The following ANKRD36C variants were observed in gnomAD, a reference collection of about 807,000 sequenced individuals.
The protein encoded by ANKRD36C is ankyrin repeat domain-containing protein 36C.
A neutral mutation model predicts 276.4 loss-of-function variants in ANKRD36C; 61 were observed. The ratio of observed to expected loss-of-function variants is 0.22; its 90% CI spans 0.18 to 0.27. ANKRD36C has a LOEUF of 0.27. Among genes scored for constraint, ANKRD36C ranks in the 10% least tolerant of loss-of-function variants. The pLI, the probability that ANKRD36C is intolerant of heterozygous loss-of-function variation, is 1.00. For synonymous variants in ANKRD36C, 483 were observed against 680.1 expected, an observed-to-expected ratio of 0.71 and a Z score of 4.51; for missense variants, 1,447 against 2,032.3, an observed-to-expected ratio of 0.71 and a Z score of 5.54.
chr2:95,897,294 T>C, intron 44 of ANKRD36C: 3 of 1,526,750 alleles, frequency 2.0e-6, no homozygotes, highest in East Asian at 2.4e-5. Flanking sequence ...TCTCCATGCT[T>C]TTTTCCTCTG....
intron 34 of ANKRD36C, among the ~76,000 whole-genome samples, chr2:95,918,623 C>T (rs1476969528): frequency 6.6e-6 from 1 of 151,788 alleles, no homozygotes; most frequent in Non-Finnish European, 1.5e-5. Flanking sequence ...ATCTCTCACA[C>T]CCATGTGGTG....
intron 6 of ANKRD36C, among the ~76,000 whole-genome samples, chr2:95,963,990 T>TATATATATAA: frequency 5.2e-5 from 1 of 19,332 alleles, no homozygotes; most frequent in African/African-American, 4.3e-4. Flanking sequence ...TATATATATA[T>TATATATATAA]ATATATATAT....
intron 28 of ANKRD36C, among the ~76,000 whole-genome samples, chr2:95,926,131 C>A (rs963326217): frequency 6.6e-6 from 1 of 151,536 alleles, no homozygotes; most frequent in Non-Finnish European, 1.5e-5. Context: ...TTCTCAAACC[C>A]ATGTGGTGTA....
intron 6 of ANKRD36C, among the ~76,000 whole-genome samples, chr2:95,968,778 T>C (rs1186806506): frequency 6.6e-6 from 1 of 152,184 alleles, no homozygotes; most frequent in African/African-American, 2.4e-5. Context: ...GAACTTCTAA[T>C]CAACTTCCAG....
At chr2:95,849,154 G>A (rs911932368), downstream of ANKRD36C, among the ~76,000 whole-genome samples, 7 of 151,972 alleles carry the variant, frequency 4.6e-5, no homozygotes, top group Non-Finnish European at 7.4e-5. Context: ...CTGCCTCCCG[G>A]GTTCAAGTGA....
intron 6 of ANKRD36C, among the ~76,000 whole-genome samples, chr2:95,963,972 A>AATATATATATATATAT (rs1160108122): frequency 2.7e-4 from 13 of 48,960 alleles, no homozygotes; most frequent in South Asian, 7.9e-4. Context: ...TATATATATA[A>AATATATATATATATAT]ATATATATAT....
At chr2:95,898,160 T>C (rs1317498118) in intron 44 of ANKRD36C, among the ~76,000 whole-genome samples, 1 of 149,758 alleles carries the variant, frequency 6.7e-6, no homozygotes, top group African/African-American at 2.5e-5. Flanking sequence ...AATAAAAATA[T>C]CATCAATTAT....
intron 36 of ANKRD36C, among the ~76,000 whole-genome samples, chr2:95,917,388 A>T (rs574552154): frequency 1.2e-4 from 18 of 151,650 alleles, no homozygotes; most frequent in Admixed American, 2.6e-4. Context: ...ACAATCCATC[A>T]TCCTTTGGAA....
At chr2:95,891,537 A>G in intron 46 of ANKRD36C, 128 bp downstream of exon 66, 1 of 1,271,644 alleles carries the variant, frequency 7.9e-7, no homozygotes, top group Non-Finnish European at 1.1e-6. Flanking sequence ...ACTTATTTGA[A>G]ATGAAGAATC....
chr2:95,910,394 C>G (rs1415763148), intron 42 of ANKRD36C: 1 of 1,546,870 alleles, frequency 6.5e-7, no homozygotes, highest in East Asian at 2.4e-5. Context: ...TTTTCTCCAT[C>G]CTTTTCTTCT....
exon 34 of ANKRD36C, chr2:95,921,633 A>T: frequency 6.2e-7 from 1 of 1,609,180 alleles, no homozygotes; most frequent in South Asian, 1.1e-5. Context: ...TCCATCCTTT[A>T]TTTCTGTGGC....
At chr2:95,917,540 G>C (rs552518983) in intron 36 of ANKRD36C, among the ~76,000 whole-genome samples, 16 of 151,446 alleles carry the variant, frequency 1.1e-4, no homozygotes, top group Non-Finnish European at 2.4e-4. Flanking sequence ...TCCACCCTTA[G>C]TGAAACCATG....
intron 44 of ANKRD36C, chr2:95,894,409 A>C (rs1300956653): frequency 1.3e-5 from 2 of 151,972 alleles, no homozygotes; most frequent in Non-Finnish European, 2.9e-5. Flanking sequence ...TATTAGCCTC[A>C]ATAAAAATAT....
intron 16 of ANKRD36C, among the ~76,000 whole-genome samples, chr2:95,949,405 A>T (rs1678137459): frequency 2.0e-5 from 3 of 152,108 alleles, no homozygotes; most frequent in African/African-American, 7.2e-5. Context: ...GCTTCATTTC[A>T]TTCATCACTA....
At chr2:95,917,633 C>T (rs1049759452) in intron 36 of ANKRD36C, among the ~76,000 whole-genome samples, 2 of 151,548 alleles carry the variant, frequency 1.3e-5, no homozygotes, top group African/African-American at 4.8e-5. Context: ...TTCCCAATTT[C>T]AACGTGGGGA....
chr2:95,878,553 G>C (rs1170965631), intron 58 of ANKRD36C, among the ~76,000 whole-genome samples: 1 of 152,088 alleles, frequency 6.6e-6, no homozygotes, highest in Non-Finnish European at 1.5e-5. Context: ...AAAGAGGAAA[G>C]CCTCTTAATT....
chr2:95,914,057 TTTC>T (rs1352715214), intron 40 of ANKRD36C, 48 bp downstream of exon 42: 16 of 1,495,166 alleles, frequency 1.1e-5, no homozygotes, highest in Non-Finnish European at 1.4e-5. Context: ...GGGAAGAGAA[TTTC>T]TTATCTATCT....
In ANKRD36C at chr2:95,882,510, A is replaced by T; in HGVS notation, c.3266-13T>A. On this transcript the variant is annotated splice_polypyrimidine_tract_variant and intron_variant, in intron 54 of 66. Transcript: ENST00000456556. ...TTCTGAGGAGACACTGAAAAGTAAA[A>T]GAAATATATAATCCATCATATGTAA... 6.4e-7 allele frequency: 1 copy of T among 1,550,896 alleles called. No individual in the cohort carries two copies. The highest frequency in any genetic ancestry group is 2.4e-5 in the East Asian group (1 of 41,124).
In ANKRD36C at chr2:95,919,823, G is replaced by T. The variant is rs1377882944; in HGVS notation, c.2246-1781C>A. ...GTTGTAGCCTGAATGGAATTTGAAA[G>T]AAAATAATAAATAAATAAATCAATG... is the stretch of plus-strand genomic sequence containing the variant. On this transcript the variant is annotated intron_variant, in intron 34 of 66. Coordinates refer to ENST00000456556, the Ensembl canonical transcript of ANKRD36C. 2.1e-5 allele frequency: 31 copies of T among 1,501,838 alleles called. 2 individuals are homozygous for T. The highest frequency in any genetic ancestry group is 2.6e-5 in the Non-Finnish European group (29 of 1,120,970). 93.0% of individuals were successfully genotyped at this position (1,501,838 alleles called of 1,614,324 possible).
Sources: allele counts gnomAD v4.1 joint callset (sites outside exome capture counted in the v4.1 genomes callset), GRCh38; gene constraint gnomAD v4.1.1; transcripts MANE v1.5; gene names NCBI Gene and HGNC (gene_info 2026-07-23, HGNC 2026-07-21).